The following DCP1A variants were observed in gnomAD, a reference collection of about 807,000 sequenced individuals.
DCP1A encodes the protein mRNA-decapping enzyme 1A.
Under a neutral mutation model 58.0 loss-of-function variants are expected in DCP1A, and 20 were observed. That is an observed-to-expected ratio of 0.34 (90% CI 0.24 to 0.50). The LOEUF is 0.50. DCP1A is among the 20% of genes least tolerant of loss of function. The probability of loss-of-function intolerance (pLI) is 0.98; values close to 1 mark genes in which losing one functional copy is unlikely to be tolerated. For missense variants in DCP1A, 613 were observed against 712.2 expected (o/e 0.86, Z 1.59); for synonymous variants, 285 against 275.1 (o/e 1.04, Z -0.36).
intron 6 of DCP1A, among the ~76,000 whole-genome samples, chr3:53,301,022 C>T (rs782749422): frequency 6.6e-6 from 1 of 151,998 alleles, no homozygotes; most frequent in Non-Finnish European, 1.5e-5. Flanking sequence ...TTAGGCGGTA[C>T]AATAATCCTT....
At chr3:53,314,093 C>A (rs1261351656) in intron 4 of DCP1A, among the ~76,000 whole-genome samples, 1 of 151,764 alleles carries the variant, frequency 6.6e-6, no homozygotes, top group Non-Finnish European at 1.5e-5. Flanking sequence ...AAGGTCTCAC[C>A]ATGTTGCCCA....
At chr3:53,292,047 A>G in intron 7 of DCP1A, 22 bp downstream of exon 7, 5 of 1,430,540 alleles carry the variant, frequency 3.5e-6, no homozygotes, top group Non-Finnish European at 4.8e-6. Flanking sequence ...CACTCTGCCC[A>G]CCCCCACCCT....
chr3:53,315,763 T>G (rs1423953653), intron 4 of DCP1A, among the ~76,000 whole-genome samples: 1 of 134,742 alleles, frequency 7.4e-6, no homozygotes, highest in Non-Finnish European at 1.6e-5. Context: ...TTTTGTTTTT[T>G]TTTTTTTTGA....
intron 1 of DCP1A, among the ~76,000 whole-genome samples, chr3:53,345,607 C>A (rs1164372277): frequency 1.1e-4 from 17 of 152,042 alleles, no homozygotes; most frequent in Admixed American, 1.1e-3. Context: ...AATAAATAAG[C>A]TTATTAGTCT....
intron 3 of DCP1A, among the ~76,000 whole-genome samples, chr3:53,335,569 T>C (rs2089098708): frequency 1.3e-5 from 2 of 152,382 alleles, no homozygotes; most frequent in South Asian, 4.1e-4. Flanking sequence ...ATCTGCTTTA[T>C]CATTCTGAAA....
chr3:53,303,469 T>C (rs1389129228), intron 6 of DCP1A, among the ~76,000 whole-genome samples: 1 of 147,106 alleles, frequency 6.8e-6, no homozygotes, highest in Non-Finnish European at 1.5e-5. Context: ...GTTTCGTCAA[T>C]TGGCCAGGCT....
chr3:53,299,154 G>T (rs782059978), intron 6 of DCP1A, among the ~76,000 whole-genome samples: 1 of 152,224 alleles, frequency 6.6e-6, no homozygotes, highest in Non-Finnish European at 1.5e-5. Flanking sequence ...TGTCATAGGA[G>T]CCTGGGTGAG....
At chr3:53,336,138 T>C (rs1054165000) in intron 3 of DCP1A, among the ~76,000 whole-genome samples, 7 of 141,216 alleles carry the variant, frequency 5.0e-5, no homozygotes, top group Non-Finnish European at 9.2e-5. Flanking sequence ...AGTTTAGCTC[T>C]TGTTGCCCAG....
intron 2 of DCP1A, among the ~76,000 whole-genome samples, chr3:53,342,726 C>A (rs570318577): frequency 9.8e-5 from 15 of 152,322 alleles, no homozygotes; most frequent in African/African-American, 3.6e-4. Context: ...CTTGAACTAT[C>A]CTTTTTAATG....
intron 3 of DCP1A, among the ~76,000 whole-genome samples, chr3:53,336,183 A>T (rs2089112802): frequency 6.6e-6 from 1 of 152,158 alleles, no homozygotes; most frequent in African/African-American, 2.4e-5. Context: ...GGCTCACTGC[A>T]ACCTCTGCCT....
chr3:53,342,929 T>A (rs2089233620), intron 2 of DCP1A, among the ~76,000 whole-genome samples: 1 of 152,354 alleles, frequency 6.6e-6, no homozygotes, highest in South Asian at 2.1e-4. Flanking sequence ...CTATAATGGC[T>A]GCCCATCATT....
chr3:53,283,583 A>G lies in DCP1A; in HGVS notation c.*3997T>C, dbSNP rs1376994300. The G allele has an allele frequency of 6.6e-6, 1 of 152,236 alleles. No individual in the cohort carries two copies. Among genetic ancestry groups the G allele is most frequent in the Non-Finnish European group, 1.5e-5 (1 of 68,046 alleles). The allele number at this position is 152,236 out of a possible 1,614,324, so 9.4% of individuals were successfully genotyped here. ...AAAATCCATACCATTAAAAATGTTA[A>G]TGATACAGTATTGCGCTCATGGAAC... On this transcript the variant is annotated 3_prime_UTR_variant, in exon 10 of 10. Transcript: ENST00000610213.
chr3:53,312,219 C>G lies in DCP1A; in HGVS notation c.510+22G>C, dbSNP rs782691104. 4 of 1,563,034 alleles carry G rather than the reference C, an allele frequency of 2.6e-6. No individual in the cohort carries two copies. The Admixed American group carries it at 7.7e-5, about 30-fold the overall frequency. ...CGTTTTGGTCTTCCCTGGTCAGCAC[C>G]CAAGTACCCAGAGAGCCTCACCCTC... On this transcript the variant is annotated intron_variant, in intron 5 of 9. Coordinates refer to ENST00000610213, the MANE Select transcript of DCP1A (RefSeq NM_018403.7).
intron 6 of DCP1A, among the ~76,000 whole-genome samples, chr3:53,302,936 TTTAAA>T (rs1183630788): frequency 2.7e-5 from 4 of 150,490 alleles, no homozygotes; most frequent in African/African-American, 9.8e-5. Flanking sequence ...TTATTTTATT[TTTAAA>T]TTAAATTAAA....
chr3:53,315,754 T>G (rs1479481222), intron 4 of DCP1A, among the ~76,000 whole-genome samples: 2 of 108,300 alleles, frequency 1.8e-5, no homozygotes, highest in African/African-American at 4.0e-5. Flanking sequence ...GTTTTTTTTT[T>G]TTGTTTTTTT....
chr3:53,327,026 A>G (rs1253268207), intron 3 of DCP1A, among the ~76,000 whole-genome samples: 1 of 147,844 alleles, frequency 6.8e-6, no homozygotes, highest in Non-Finnish European at 1.5e-5. Flanking sequence ...CCACACAAAT[A>G]TCATCTTTAT....
chr3:53,316,596 C>CTTTTT (rs11351636), intron 4 of DCP1A, among the ~76,000 whole-genome samples: 1 of 112,350 alleles, frequency 8.9e-6, no homozygotes, highest in Non-Finnish European at 1.7e-5. Flanking sequence ...TTCTTCTTCC[C>CTTTTT]TTTTTTTTTT....
intron 4 of DCP1A, 113 bp from the exon 5 acceptor site, chr3:53,312,492 CTTCTTT>C: frequency 1.6e-6 from 1 of 640,170 alleles, no homozygotes; most frequent in South Asian, 2.7e-5. Context: ...TGATGACATT[CTTCTTT>C]TTTTTTTTTT....
chr3:53,330,854 G>T (rs2088986031), intron 3 of DCP1A, among the ~76,000 whole-genome samples: 1 of 127,164 alleles, frequency 7.9e-6, no homozygotes, highest in South Asian at 2.6e-4. Context: ...TGGAGTATAT[G>T]TAATTTTTTT....
Sources: gnomAD v4.1 joint callset for allele counts (sites outside exome capture counted in the v4.1 genomes callset) on GRCh38, gnomAD v4.1.1 for gene constraint, MANE v1.5 for transcripts, NCBI Gene and HGNC (gene_info 2026-07-23, HGNC 2026-07-21) for gene names.